The following TMEM178A variants were observed in gnomAD, a reference collection of about 807,000 sequenced individuals.
TMEM178A encodes transmembrane protein 178A, also known as transmembrane protein 178.
In TMEM178A, 12 loss-of-function variants were observed where a neutral mutation model predicts 29.1. The observed-to-expected ratio is 0.41, with a 90% CI of 0.26 to 0.67. The LOEUF (loss-of-function observed/expected upper bound fraction) is 0.67. Ranked by LOEUF, TMEM178A falls within the 30% of genes least tolerant of loss-of-function variation. The pLI, the probability that TMEM178A is intolerant of heterozygous loss-of-function variation, is 0.29. For synonymous variants in TMEM178A, 210 were observed against 187.2 expected, an observed-to-expected ratio of 1.12 and a Z score of -0.99; for missense variants, 366 against 419.1, an observed-to-expected ratio of 0.87 and a Z score of 1.11.
chr2:39,708,409 A>ATTTT lies in TMEM178A; in HGVS notation c.652+1247_652+1250dup, dbSNP rs956611778. On this transcript the variant is annotated intron_variant, in intron 3 of 3. Transcript: ENST00000281961. ...AGGTTTGAAGCAAAGGAGTGACTTG[A>ATTTT]TTTTTTTTTTTTTTTTTTTTTTTTT... 3.4e-3 allele frequency among the ~76,000 whole-genome samples: 234 copies of ATTTT among 69,704 alleles called. 21 individuals carry two copies. Among genetic ancestry groups the ATTTT allele is most frequent in the Non-Finnish European group, 4.9e-3 (189 of 38,394 alleles). 45.7% of individuals were successfully genotyped at this position (69,704 alleles called of 152,430 possible). A position where few individuals can be genotyped will look rare whatever the true frequency, so the allele number is the denominator to read the frequency against.
At chr2:39,732,520 G>C in the TMEM178A span, among the ~76,000 whole-genome samples, 2 of 152,164 alleles carry the variant, frequency 1.3e-5, no homozygotes, top group Admixed American at 1.3e-4. Flanking sequence ...AAGATGGGCA[G>C]CTTAGGTCAT....
intron 1 of TMEM178A, among the ~76,000 whole-genome samples, chr2:39,694,959 A>G (rs1487339994): frequency 1.3e-5 from 2 of 152,226 alleles, no homozygotes; most frequent in Non-Finnish European, 2.9e-5. Flanking sequence ...TTGAGGCTCT[A>G]AAAGTCAGTG....
intron 3 of TMEM178A, among the ~76,000 whole-genome samples, chr2:39,713,255 GATAA>G (rs1672392572): frequency 6.6e-6 from 1 of 152,228 alleles, no homozygotes; most frequent in African/African-American, 2.4e-5. Context: ...GTAGATACTT[GATAA>G]ATAATTGCTG....
At chr2:39,704,295 C>G in intron 2 of TMEM178A, 101 bp downstream of exon 2, 1 of 912,904 alleles carries the variant, frequency 1.1e-6, no homozygotes, top group Non-Finnish European at 1.7e-6. Flanking sequence ...TGTTCTTATC[C>G]TCTGTGAGCC....
the TMEM178A span, among the ~76,000 whole-genome samples, chr2:39,729,208 G>T: frequency 6.6e-6 from 1 of 151,890 alleles, no homozygotes; most frequent in Non-Finnish European, 1.5e-5. Flanking sequence ...TGCCACCCCT[G>T]CCGGGGATCC....
intron 3 of TMEM178A, among the ~76,000 whole-genome samples, chr2:39,716,456 T>C (rs1410435288): frequency 1.3e-5 from 2 of 152,216 alleles, no homozygotes; most frequent in East Asian, 3.8e-4. Context: ...ATATGGTATA[T>C]GTAAGACTGT....
At position 39,717,293 on chromosome 2, in the gene TMEM178A, G is replaced by C. The variant is rs745636256; in HGVS notation, c.*42G>C. 1 of 1,597,966 alleles carries C rather than the reference G, an allele frequency of 6.3e-7. No individual in the cohort carries two copies. Among genetic ancestry groups the C allele is most frequent in the East Asian group, 2.2e-5 (1 of 44,656 alleles). On this transcript the variant is annotated 3_prime_UTR_variant, in exon 4 of 4. Transcript: ENST00000281961. ...TGTCCACAGTGCGAGCGACTCCTGA[G>C]GGGAACAGCGCGGAGTTCAGGAGTC...
chr2:39,723,880 A>G, the TMEM178A span, among the ~76,000 whole-genome samples: 9 of 152,216 alleles, frequency 5.9e-5, no homozygotes, highest in Admixed American at 5.9e-4. Context: ...GCCTACTGTC[A>G]ACATGTTATA....
At chr2:39,735,882 A>G in the TMEM178A span, among the ~76,000 whole-genome samples, 2 of 152,252 alleles carry the variant, frequency 1.3e-5, no homozygotes, top group African/African-American at 4.8e-5. Flanking sequence ...ACCTGATACC[A>G]GGGGCCCAGG....
At chr2:39,718,895 C>T (rs1177518425), downstream of TMEM178A, among the ~76,000 whole-genome samples, 1 of 152,184 alleles carries the variant, frequency 6.6e-6, no homozygotes, top group Non-Finnish European at 1.5e-5. Flanking sequence ...TATGCTGTTT[C>T]AGATTTTGAT....
At chr2:39,687,133 T>C (rs1051304005) in intron 1 of TMEM178A, among the ~76,000 whole-genome samples, 1 of 152,028 alleles carries the variant, frequency 6.6e-6, no homozygotes, top group Non-Finnish European at 1.5e-5. Flanking sequence ...GGATTAGATA[T>C]GATAAGGATG....
chr2:39,676,507 G>A (rs972180228), intron 1 of TMEM178A, among the ~76,000 whole-genome samples: 4 of 152,184 alleles, frequency 2.6e-5, no homozygotes, highest in African/African-American at 9.7e-5. Flanking sequence ...AAGGCGTCCT[G>A]CAGACTTCCC....
At chr2:39,730,476 C>A in the TMEM178A span, among the ~76,000 whole-genome samples, 3 of 152,144 alleles carry the variant, frequency 2.0e-5, no homozygotes, top group Non-Finnish European at 4.4e-5. Context: ...GCTTTCTAGA[C>A]AATTCCTGTA....
At chr2:39,707,308 G>C in intron 3 of TMEM178A, 122 bp downstream of exon 3, 1 of 1,257,202 alleles carries the variant, frequency 8.0e-7, no homozygotes, top group Non-Finnish European at 1.1e-6. Context: ...AAAGCAACCA[G>C]AAGGTCATTT....
chr2:39,680,445 A>G (rs1245471551), intron 1 of TMEM178A, among the ~76,000 whole-genome samples: 1 of 152,128 alleles, frequency 6.6e-6, no homozygotes, highest in Non-Finnish European at 1.5e-5. Context: ...TCATTTCCTG[A>G]GGGATTCAAA....
At chr2:39,673,893 G>A (rs548426566) in intron 1 of TMEM178A, among the ~76,000 whole-genome samples, 1 of 152,216 alleles carries the variant, frequency 6.6e-6, no homozygotes, top group African/African-American at 2.4e-5. Flanking sequence ...TTTTAAACAG[G>A]AGGCTGTTTA....
chr2:39,672,710 A>C (rs947343078), intron 1 of TMEM178A, among the ~76,000 whole-genome samples: 1 of 152,036 alleles, frequency 6.6e-6, no homozygotes, highest in Non-Finnish European at 1.5e-5. Context: ...TAAAAAAAAA[A>C]CAACTTTGTA....
chr2:39,690,940 A>G (rs1671291470), intron 1 of TMEM178A, among the ~76,000 whole-genome samples: 1 of 152,226 alleles, frequency 6.6e-6, no homozygotes, highest in Admixed American at 6.5e-5. Flanking sequence ...TGCTAAAGTG[A>G]AAATTCTACA....
intron 1 of TMEM178A, among the ~76,000 whole-genome samples, chr2:39,684,898 GC>G (rs1671008790): frequency 6.6e-6 from 1 of 152,050 alleles, no homozygotes; most frequent in Non-Finnish European, 1.5e-5. Context: ...ACCCACACGT[GC>G]CCCTGGACCC....
Sources: allele counts gnomAD v4.1 joint callset (sites outside exome capture counted in the v4.1 genomes callset), GRCh38; gene constraint gnomAD v4.1.1; transcripts MANE v1.5; gene names NCBI Gene and HGNC (gene_info 2026-07-23, HGNC 2026-07-21).